FGF5: variants seen among roughly 807,000 people sequenced by gnomAD.
FGF5 encodes the protein fibroblast growth factor 5.
FGF5 carries 23 observed loss-of-function variants against 21.8 expected under a neutral mutation model. The observed-to-expected ratio is 1.05, with a 90% CI of 0.76 to 1.49. FGF5 has a LOEUF of 1.49. Ranked by LOEUF, FGF5 falls within the 40% of genes most tolerant of loss-of-function variation. The pLI is 0.00. For missense variants in FGF5, 352 were observed against 332.9 expected, an observed-to-expected ratio of 1.06 and a Z score of -0.45; for synonymous variants, 158 against 124.0, an observed-to-expected ratio of 1.27 and a Z score of -1.82.
Position 80,266,843 on chromosome 4 carries a change from C to A in FGF5, c.19C>A (p.Leu7Ile). 6.3e-7 allele frequency: 1 copy of A among 1,598,838 alleles called. No individual in the cohort carries two copies. Among genetic ancestry groups the A allele is most frequent in the Non-Finnish European group, 8.5e-7 (1 of 1,173,344 alleles). The change falls in exon 1 of 3, where the codon CTC (leucine) becomes ATC (isoleucine). Residue 7 changes from leucine to isoleucine, a missense_variant. Transcript: ENST00000312465. ...TGGAAGAATGAGCTTGTCCTTCCTC[C>A]TCCTCCTCTTCTTCAGCCACCTGAT... MSLSFL[L>I]LLFFSHLILS...
intron 2 of FGF5, among the ~76,000 whole-genome samples, chr4:80,285,753 G>A (rs919403438): frequency 2.0e-5 from 3 of 152,066 alleles, no homozygotes; most frequent in Non-Finnish European, 4.4e-5. Flanking sequence ...GTAAAGATAC[G>A]TTATTTTTTT....
chr4:80,268,509 G>T, intron 1 of FGF5: 11 of 986,028 alleles, frequency 1.1e-5, no homozygotes, highest in Non-Finnish European at 1.3e-5. Context: ...GGACACCACC[G>T]GCGGTCTGAA....
At chr4:80,271,821 TA>T (rs879382454) in intron 1 of FGF5, among the ~76,000 whole-genome samples, 1 of 152,014 alleles carries the variant, frequency 6.6e-6, no homozygotes, top group Non-Finnish European at 1.5e-5. Flanking sequence ...TTACTGAAAT[TA>T]AAAAAAATCA....
chr4:80,268,535 A>T (rs1720167544), intron 1 of FGF5: 1 of 986,154 alleles, frequency 1.0e-6, no homozygotes, highest in Non-Finnish European at 1.2e-6. Flanking sequence ...GGCAGCCAGC[A>T]GTCTCCAGAG....
rs766001565 is a variant in FGF5 at position 80,288,734 on chromosome 4, T to C, written c.*2062T>C. 6.6e-6 allele frequency: 1 copy of C among 152,480 alleles called. No individual in the cohort carries two copies. Among genetic ancestry groups the C allele is most frequent in the African/African-American group, 2.4e-5 (1 of 41,402 alleles). The allele number at this position is 152,480 out of a possible 1,614,324, so 9.4% of individuals were successfully genotyped here. ...TAATAAGTGAAGGGAAAGATAATAA[T>C]GATGGTCAACAATAAGCCACGTCAA... On this transcript the variant is annotated 3_prime_UTR_variant, in exon 3 of 3. Coordinates refer to ENST00000312465, the MANE Select transcript of FGF5 (RefSeq NM_004464.4).
chr4:80,290,577 G>A lies in FGF5; in HGVS notation c.*3905G>A, dbSNP rs1324653037. 2 of 151,842 alleles carry A rather than the reference G, an allele frequency of 1.3e-5. No individual in the cohort carries two copies. The highest frequency in any genetic ancestry group is 6.6e-5 in the Admixed American group (1 of 15,248). 9.4% of individuals were successfully genotyped at this position (151,842 alleles called of 1,614,324 possible). A position where few individuals can be genotyped will look rare whatever the true frequency, so the allele number is the denominator to read the frequency against. ...TTATACTTCAAGTTCTAGGGTACAT[G>A]TCCACAATGCACATGTCTGTCACAC... On this transcript the variant is annotated 3_prime_UTR_variant, in exon 3 of 3. Coordinates refer to ENST00000312465, the MANE Select transcript of FGF5 (RefSeq NM_004464.4).
chr4:80,283,848 A>T (rs1041653793), intron 2 of FGF5, among the ~76,000 whole-genome samples: 1 of 152,162 alleles, frequency 6.6e-6, no homozygotes, highest in Non-Finnish European at 1.5e-5. Context: ...CCTTTGTAAA[A>T]TTCTTGTGAT....
intron 2 of FGF5, among the ~76,000 whole-genome samples, chr4:80,275,374 G>A (rs10212796): frequency 0.15 from 22,246 of 151,766 alleles, 2,145 homozygotes; most frequent in African/African-American, 0.28. Flanking sequence ...CTGTATTTGT[G>A]CTAAGTAGAT....
intron 2 of FGF5, among the ~76,000 whole-genome samples, chr4:80,278,494 G>A (rs1041869406): frequency 6.6e-6 from 1 of 152,012 alleles, no homozygotes; most frequent in African/African-American, 2.4e-5. Context: ...AGTTGCATAG[G>A]GAACTCCTGC....
chr4:80,271,462 G>A (rs1200080806), intron 1 of FGF5, among the ~76,000 whole-genome samples: 1 of 152,068 alleles, frequency 6.6e-6, no homozygotes, highest in Admixed American at 6.5e-5. Context: ...AACACCTTAA[G>A]AAAAATAACA....
Position 80,289,601 on chromosome 4 carries a change from T to C in FGF5, c.*2929T>C, listed in dbSNP as rs772766600. The C allele has an allele frequency of 1.8e-4, 27 of 152,098 alleles. No individual in the cohort carries two copies. Among genetic ancestry groups the C allele is most frequent in the Middle Eastern group, 3.2e-3 (1 of 314 alleles). 9.4% of individuals were successfully genotyped at this position (152,098 alleles called of 1,614,324 possible). ...TGTCAGTTTTATCAATTATATTATG[T>C]TTAATTATTTAAGATTTCTTTATGT... On this transcript the variant is annotated 3_prime_UTR_variant, in exon 3 of 3. Transcript: ENST00000312465.
chr4:80,266,999 GCCT>G lies in FGF5; in HGVS notation c.184_186del (p.Ser62del), dbSNP rs1560496413. On this transcript the variant is annotated inframe_deletion, in exon 1 of 3. Coordinates refer to ENST00000312465, the MANE Select transcript of FGF5 (RefSeq NM_004464.4). ...CAGTAGCGCTATGTCTTCCTCTTCT[GCCT>G]CCTCCTCCCCCGCAGCTTCTCTGGG... 2.5e-6 allele frequency: 4 copies of G among 1,614,070 alleles called. No homozygotes were observed. The highest frequency in any genetic ancestry group is 2.7e-5 in the African/African-American group (2 of 74,924).
Position 80,286,566 on chromosome 4 carries a change from C to A in FGF5, c.701C>A (p.Pro234His). The stretch of plus-strand genomic sequence containing the variant: ...GAACTTTCTTTCACGGTTACTGTTC[C>A]TGAAAAGAAAAAGCCACCTAGCCCT... ...QPELSFTVTV[P>H]EKKKPPSPIK... Residue 234 changes from proline to histidine, a missense_variant, in exon 3 of 3, where the codon CCT becomes CAT. Coordinates refer to ENST00000312465, the MANE Select transcript of FGF5 (RefSeq NM_004464.4). 1 of 1,614,018 alleles carries A rather than the reference C, an allele frequency of 6.2e-7. No homozygotes were observed. Among genetic ancestry groups the A allele is most frequent in the Non-Finnish European group, 8.5e-7 (1 of 1,179,974 alleles).
rs1439285653 is a variant in FGF5, at chr4:80,274,929, G to C, written c.376G>C (p.Val126Leu). The C allele has an allele frequency of 2.5e-6, 4 of 1,578,034 alleles. No homozygotes were observed. In the South Asian group the frequency reaches 3.4e-5, roughly 13 times the overall value. Residue 126 changes from valine to leucine, a missense_variant, in exon 2 of 3, where the codon GTG becomes CTG. Coordinates refer to ENST00000312465, the MANE Select transcript of FGF5 (RefSeq NM_004464.4). ...NMLSVLEIFA[V>L]SQGIVGIRGV... Reference sequence around the variant, plus strand: ...CCTAGGTGTTTTGGAAATATTTGCTGTGTCTCAGGGGATTGTAGGAATACG... The same window carrying C: ...CCTAGGTGTTTTGGAAATATTTGCTCTGTCTCAGGGGATTGTAGGAATACG...
intron 1 of FGF5, among the ~76,000 whole-genome samples, chr4:80,271,590 T>G (rs1352600988): frequency 6.6e-6 from 1 of 152,118 alleles, no homozygotes; most frequent in Non-Finnish European, 1.5e-5. Flanking sequence ...CTGTCCATAC[T>G]TGTGTATGCA....
rs1022530336 is a variant in FGF5, at chr4:80,287,898, C to T, written c.*1226C>T. The T allele has an allele frequency of 6.6e-6, 1 of 152,036 alleles. No individual in the cohort carries two copies. The highest frequency in any genetic ancestry group is 1.9e-4 in the East Asian group (1 of 5,194). 9.4% of individuals were successfully genotyped at this position (152,036 alleles called of 1,614,324 possible). A position where few individuals can be genotyped will look rare whatever the true frequency, so the allele number is the denominator to read the frequency against. On this transcript the variant is annotated 3_prime_UTR_variant, in exon 3 of 3. Transcript: ENST00000312465. ...TTCTGATGTTTATTAAAAAAACTGGCCTTTTGATAGAGGTAACTTAATTTG... is the reference window on the plus strand; with the variant it reads ...TTCTGATGTTTATTAAAAAAACTGGTCTTTTGATAGAGGTAACTTAATTTG...
At position 80,286,716 on chromosome 4, in the gene FGF5, G is replaced by C; in HGVS notation, c.*44G>C. ...GAGAAACCATTCTTTCCCCTCAGGA[G>C]TTTCTATAGGTGTCTTCAGAGTTCT... On this transcript the variant is annotated 3_prime_UTR_variant, in exon 3 of 3. Coordinates refer to ENST00000312465, the MANE Select transcript of FGF5 (RefSeq NM_004464.4). 1.3e-6 allele frequency: 2 copies of C among 1,482,880 alleles called. No homozygotes were observed. Among genetic ancestry groups the C allele is most frequent in the African/African-American group, 2.8e-5 (2 of 71,522 alleles). 91.9% of individuals were successfully genotyped at this position (1,482,880 alleles called of 1,614,324 possible).
chr4:80,268,645 G>A, intron 1 of FGF5: 1 of 431,490 alleles, frequency 2.3e-6, no homozygotes, highest in African/African-American at 2.1e-5. Flanking sequence ...TTCATGCTGA[G>A]AGAAAAGCAG....
At chr4:80,281,386 A>T (rs1560500984) in intron 2 of FGF5, among the ~76,000 whole-genome samples, 1 of 152,238 alleles carries the variant, frequency 6.6e-6, no homozygotes. Context: ...TTTTTATTAC[A>T]GTCTATGATA....
Sources: gnomAD v4.1 joint callset for allele counts (sites outside exome capture counted in the v4.1 genomes callset) on GRCh38, gnomAD v4.1.1 for gene constraint, MANE v1.5 for transcripts, NCBI Gene and HGNC (gene_info 2026-07-23, HGNC 2026-07-21) for gene names.